CNGB3: variants seen among roughly 807,000 people sequenced by gnomAD.
CNGB3 encodes the protein cyclic nucleotide-gated channel beta-3.
In CNGB3, 86 loss-of-function variants were observed where a neutral mutation model predicts 92.8. That is an observed-to-expected ratio of 0.93 (90% confidence interval 0.78 to 1.11). The LOEUF (loss-of-function observed/expected upper bound fraction) is 1.11. Among genes scored for constraint, CNGB3 ranks in the 50% least tolerant of loss-of-function variants. The probability of loss-of-function intolerance (pLI) is 0.00; values close to 1 mark genes in which losing one functional copy is unlikely to be tolerated. For missense variants in CNGB3, 1,026 were observed against 956.8 expected (o/e 1.07, Z -0.95); for synonymous variants, 333 against 332.7 (o/e 1.00, Z -0.01).
chr8:86,740,604 T>G (rs991919109), intron 1 of CNGB3, among the ~76,000 whole-genome samples: 1 of 152,082 alleles, frequency 6.6e-6, no homozygotes, highest in African/African-American at 2.4e-5. Context: ...TAGATGAGGC[T>G]TGAGAGTAGG....
chr8:86,617,860 G>C (rs1015276586), intron 13 of CNGB3, among the ~76,000 whole-genome samples: 3 of 152,134 alleles, frequency 2.0e-5, no homozygotes, highest in African/African-American at 7.2e-5. Flanking sequence ...CAGTTATGGG[G>C]ATGGTTTCGG....
intron 3 of CNGB3, among the ~76,000 whole-genome samples, chr8:86,674,725 G>A (rs867181581): frequency 2.0e-5 from 3 of 152,076 alleles, no homozygotes; most frequent in Admixed American, 1.3e-4. Flanking sequence ...GAAAGTTTTG[G>A]TAAACAGTAA....
intron 17 of CNGB3, among the ~76,000 whole-genome samples, chr8:86,576,909 A>G (rs1821672178): frequency 6.6e-6 from 1 of 152,204 alleles, no homozygotes; most frequent in Non-Finnish European, 1.5e-5. Flanking sequence ...ACAGTGTTGT[A>G]TGTGTGGAAA....
At chr8:86,659,454 T>C (rs1425888147) in intron 6 of CNGB3, 1 of 626,580 alleles carries the variant, frequency 1.6e-6, no homozygotes, top group Non-Finnish European at 2.9e-6. Flanking sequence ...GACTTCTCTG[T>C]CACTAGGACT....
At chr8:86,698,833 A>G (rs933223443) in intron 3 of CNGB3, among the ~76,000 whole-genome samples, 2 of 152,174 alleles carry the variant, frequency 1.3e-5, no homozygotes, top group Admixed American at 6.5e-5. Context: ...CCAGCATGAT[A>G]GATTCTATTT....
chr8:86,617,568 A>G (rs758849099), intron 13 of CNGB3, among the ~76,000 whole-genome samples: 11 of 152,240 alleles, frequency 7.2e-5, no homozygotes, highest in Non-Finnish European at 1.3e-4. Flanking sequence ...GCAAAGTCAA[A>G]TGTGATAAAA....
At chr8:86,682,284 C>T (rs1045911817) in intron 3 of CNGB3, among the ~76,000 whole-genome samples, 14 of 152,136 alleles carry the variant, frequency 9.2e-5, no homozygotes, top group Admixed American at 9.2e-4. Context: ...GGACTTACTG[C>T]ATGACAGAAG....
At chr8:86,626,676 A>G (rs1461843530) in intron 12 of CNGB3, among the ~76,000 whole-genome samples, 1 of 152,176 alleles carries the variant, frequency 6.6e-6, no homozygotes, top group African/African-American at 2.4e-5. Flanking sequence ...CTGGGATGGA[A>G]TCTAAAGAAA....
At chr8:86,596,900 A>G (rs1188417207) in intron 15 of CNGB3, among the ~76,000 whole-genome samples, 1 of 152,164 alleles carries the variant, frequency 6.6e-6, no homozygotes, top group East Asian at 1.9e-4. Context: ...GCTGGAAACC[A>G]TCATTCTCAG....
chr8:86,676,783 G>A (rs1405731972), intron 3 of CNGB3, among the ~76,000 whole-genome samples: 5 of 152,234 alleles, frequency 3.3e-5, no homozygotes, highest in South Asian at 2.1e-4. Flanking sequence ...AAGCCATACC[G>A]GAGTAGGTTG....
intron 13 of CNGB3, among the ~76,000 whole-genome samples, chr8:86,622,083 C>T (rs959543410): frequency 8.5e-5 from 13 of 152,138 alleles, no homozygotes; most frequent in Non-Finnish European, 1.8e-4. Flanking sequence ...TAATGGTCTC[C>T]AACTCCAAGT....
At chr8:86,622,826 T>C (rs1178607708) in intron 13 of CNGB3, among the ~76,000 whole-genome samples, 1 of 152,262 alleles carries the variant, frequency 6.6e-6, no homozygotes, top group East Asian at 1.9e-4. Flanking sequence ...TTAAATTTTG[T>C]AATACATTTT....
chr8:86,652,300 G>A (rs1011818966), intron 7 of CNGB3, among the ~76,000 whole-genome samples: 9 of 151,974 alleles, frequency 5.9e-5, no homozygotes, highest in African/African-American at 2.2e-4. Context: ...GAGTCAATGA[G>A]CGAGTAGTGA....
intron 15 of CNGB3, chr8:86,593,822 A>G: frequency 9.3e-7 from 1 of 1,080,308 alleles, no homozygotes; most frequent in South Asian, 1.3e-5. Flanking sequence ...CACATCTGTC[A>G]GGTCAGGGAA....
chr8:86,670,923 C>T, intron 4 of CNGB3, 21 bp downstream of exon 4: 3 of 1,612,002 alleles, frequency 1.9e-6, no homozygotes, highest in Non-Finnish European at 1.7e-6. Flanking sequence ...CTTCCCAGTA[C>T]TTGGAGGGAG....
At chr8:86,609,588 C>A (rs7844602) in intron 14 of CNGB3, among the ~76,000 whole-genome samples, 123 of 152,328 alleles carry the variant, frequency 8.1e-4, no homozygotes, top group African/African-American at 2.9e-3. Context: ...TTTCCTTGAG[C>A]TTTTCTTGAA....
intron 4 of CNGB3, 53 bp from the exon 5 acceptor site, chr8:86,668,221 A>C: frequency 1.3e-6 from 2 of 1,595,998 alleles, no homozygotes; most frequent in South Asian, 2.2e-5. Flanking sequence ...AAGTTAGTTT[A>C]GTTAAAAACT....
intron 7 of CNGB3, among the ~76,000 whole-genome samples, chr8:86,652,213 C>T (rs1001954078): frequency 1.3e-5 from 2 of 151,704 alleles, no homozygotes; most frequent in African/African-American, 4.8e-5. Flanking sequence ...AAATATGATA[C>T]GAAAGATAAA....
At chr8:86,590,017 G>T (rs1585952115) in intron 15 of CNGB3, among the ~76,000 whole-genome samples, 1 of 147,406 alleles carries the variant, frequency 6.8e-6, no homozygotes, top group South Asian at 2.2e-4. Flanking sequence ...ATGAATCTGG[G>T]TGCTCCTGTA....
Sources: allele counts gnomAD v4.1 joint callset (sites outside exome capture counted in the v4.1 genomes callset), GRCh38; gene constraint gnomAD v4.1.1; transcripts MANE v1.5; gene names NCBI Gene and HGNC (gene_info 2026-07-23, HGNC 2026-07-21).